MARCHF11: variants seen among roughly 807,000 people sequenced by gnomAD.
The protein encoded by MARCHF11 is E3 ubiquitin-protein ligase MARCHF11.
A neutral mutation model predicts 37.3 loss-of-function variants in MARCHF11; 29 were observed. The ratio of observed to expected loss-of-function variants is 0.78; its 90% CI spans 0.58 to 1.06. The LOEUF is 1.06. MARCHF11 is among the 50% of genes least tolerant of loss of function. The pLI is 0.00. For synonymous variants in MARCHF11, 233 were observed against 228.0 expected (o/e 1.02, Z -0.20); for missense variants, 482 against 533.4 (o/e 0.90, Z 0.95).
At position 16,067,531 on chromosome 5, in the gene MARCHF11, A is replaced by G. The variant is rs749359968; in HGVS notation, c.1149T>C (p.His383=). ...LLHLFNRMRP[H]EDLSEDNSSG... ...AGCTGTTATCTTCTGATAAGTCTTC[A>G]TGGGGCCTCATCCGATTGAACAGGT... Residue 383 remains histidine, a synonymous_variant, in exon 4 of 4, where the codon CAT becomes CAC. Coordinates refer to ENST00000332432, the MANE Select transcript of MARCHF11 (RefSeq NM_001102562.3). 3.4e-5 allele frequency: 55 copies of G among 1,613,776 alleles called. No individual in the cohort carries two copies. The African/African-American group carries it at 4.7e-4, about 14-fold the overall frequency.
intron 2 of MARCHF11, among the ~76,000 whole-genome samples, chr5:16,134,955 T>C (rs1308942766): frequency 4.0e-5 from 6 of 151,490 alleles, no homozygotes; most frequent in African/African-American, 1.5e-4. Flanking sequence ...CTAGTCTCTA[T>C]ACCTGCAGGA....
At chr5:16,105,822 C>T (rs1486690675) in intron 2 of MARCHF11, among the ~76,000 whole-genome samples, 1 of 152,090 alleles carries the variant, frequency 6.6e-6, no homozygotes, top group Admixed American at 6.6e-5. Flanking sequence ...TTATCTTTCA[C>T]TTGCCTTCCC....
intron 2 of MARCHF11, among the ~76,000 whole-genome samples, chr5:16,138,215 T>G (rs1471663542): frequency 1.3e-5 from 2 of 152,162 alleles, no homozygotes; most frequent in Admixed American, 1.3e-4. Context: ...AATGGTTACA[T>G]CAGCGGAGCT....
At chr5:16,133,132 C>T (rs893885348) in intron 2 of MARCHF11, among the ~76,000 whole-genome samples, 1 of 152,090 alleles carries the variant, frequency 6.6e-6, no homozygotes, top group Non-Finnish European at 1.5e-5. Context: ...CAATTATTCA[C>T]TCTTCCTTGA....
chr5:16,165,544 C>T (rs1015379691), intron 2 of MARCHF11, among the ~76,000 whole-genome samples: 1 of 151,894 alleles, frequency 6.6e-6, no homozygotes, highest in Non-Finnish European at 1.5e-5. Flanking sequence ...TAAGACTTAC[C>T]CTGTTTATTC....
At chr5:16,107,138 C>T (rs1432619674) in intron 2 of MARCHF11, among the ~76,000 whole-genome samples, 1 of 152,140 alleles carries the variant, frequency 6.6e-6, no homozygotes, top group Non-Finnish European at 1.5e-5. Flanking sequence ...ACAAACATTA[C>T]AGAAAAATGA....
intron 2 of MARCHF11, among the ~76,000 whole-genome samples, chr5:16,157,177 C>A (rs1737991245): frequency 6.7e-6 from 1 of 148,624 alleles, no homozygotes; most frequent in East Asian, 2.0e-4. Context: ...AAACTACAGA[C>A]ATTGATAAAA....
intron 2 of MARCHF11, among the ~76,000 whole-genome samples, chr5:16,094,322 G>A (rs1197483301): frequency 6.6e-6 from 1 of 152,180 alleles, no homozygotes; most frequent in African/African-American, 2.4e-5. Context: ...GTGTTAATGG[G>A]CCATTTGCTT....
chr5:16,128,212 A>G (rs1299529112), intron 2 of MARCHF11, among the ~76,000 whole-genome samples: 1 of 152,196 alleles, frequency 6.6e-6, no homozygotes, highest in African/African-American at 2.4e-5. Flanking sequence ...CTGGTGAAGC[A>G]CCACCAAACA....
chr5:16,077,419 G>A (rs1206795956), intron 3 of MARCHF11, among the ~76,000 whole-genome samples: 1 of 151,836 alleles, frequency 6.6e-6, no homozygotes, highest in Non-Finnish European at 1.5e-5. Context: ...GCTCTGTTTT[G>A]GGGGAGCGAA....
At chr5:16,148,863 A>T (rs896224426) in intron 2 of MARCHF11, among the ~76,000 whole-genome samples, 2 of 152,192 alleles carry the variant, frequency 1.3e-5, no homozygotes, top group Non-Finnish European at 2.9e-5. Context: ...ATTTAAGTTT[A>T]CCAGGATGGA....
intron 3 of MARCHF11, among the ~76,000 whole-genome samples, chr5:16,069,122 G>A (rs964400648): frequency 1.3e-5 from 2 of 152,102 alleles, no homozygotes; most frequent in Non-Finnish European, 2.9e-5. Flanking sequence ...ATTGTATGTA[G>A]AACCAATGGA....
chr5:16,086,186 A>AT (rs1252323495), intron 3 of MARCHF11, among the ~76,000 whole-genome samples: 1 of 152,098 alleles, frequency 6.6e-6, no homozygotes, highest in Non-Finnish European at 1.5e-5. Flanking sequence ...GAAAAAGACT[A>AT]TTTTCTCAAC....
At chr5:16,117,662 G>A (rs1168192555) in intron 2 of MARCHF11, among the ~76,000 whole-genome samples, 2 of 152,192 alleles carry the variant, frequency 1.3e-5, no homozygotes, top group Non-Finnish European at 2.9e-5. Context: ...GCCAAGGTGG[G>A]AGGATGGCTT....
chr5:16,086,968 A>G (rs1214349918), intron 3 of MARCHF11, among the ~76,000 whole-genome samples: 2 of 152,154 alleles, frequency 1.3e-5, no homozygotes, highest in Non-Finnish European at 2.9e-5. Flanking sequence ...TCCTTTGTCC[A>G]CTGTGCAAAT....
rs563004232 is a variant in MARCHF11, at chr5:16,111,853, G to A, written c.694-20772C>T. On this transcript the variant is annotated intron_variant, in intron 2 of 3. Transcript: ENST00000332432. ...AGACCCCCATGATGTGTGCAGTCTA[G>A]GGACTTGGTGCCCTGTGTCCCAGCC... Among the ~76,000 whole-genome samples, 17 of 152,302 alleles carry A rather than the reference G, an allele frequency of 1.1e-4. 1 individual carries two copies. The East Asian group carries it at 3.1e-3, about 28-fold the overall frequency.
rs553646087 is a variant in MARCHF11 at position 16,080,007 on chromosome 5, C to T, written c.886+10882G>A. On this transcript the variant is annotated intron_variant, in intron 3 of 3. Transcript: ENST00000332432. The stretch of plus-strand genomic sequence containing the variant: ...CTTCTGGGTCTTTCTTTTCAGCATC[C>T]ACCCACGCCTAACACTACTATTAAA... 2.6e-5 allele frequency among the ~76,000 whole-genome samples: 4 copies of T among 152,226 alleles called. No homozygotes were observed. In the East Asian group the frequency reaches 7.8e-4, roughly 30 times the overall value.
chr5:16,130,035 T>C (rs1458534205), intron 2 of MARCHF11, among the ~76,000 whole-genome samples: 1 of 152,142 alleles, frequency 6.6e-6, no homozygotes, highest in Non-Finnish European at 1.5e-5. Flanking sequence ...AGAAAATCAA[T>C]AGATGCAAAT....
At chr5:16,101,980 T>C (rs753350954) in intron 2 of MARCHF11, among the ~76,000 whole-genome samples, 10 of 152,228 alleles carry the variant, frequency 6.6e-5, no homozygotes, top group Non-Finnish European at 1.3e-4. Context: ...GGAGGCAGCA[T>C]ACTATGTTGG....
Sources: gnomAD v4.1 joint callset for allele counts (sites outside exome capture counted in the v4.1 genomes callset) on GRCh38, gnomAD v4.1.1 for gene constraint, MANE v1.5 for transcripts, NCBI Gene and HGNC (gene_info 2026-07-23, HGNC 2026-07-21) for gene names.